OR4N2: variants seen among roughly 807,000 people sequenced by gnomAD.
The protein encoded by OR4N2 is olfactory receptor family 4 subfamily N member 2, also known as olfactory receptor 4N2.
For synonymous variants in OR4N2, 141 were observed against 140.4 expected, an observed-to-expected ratio of 1.00 and a Z score of -0.03; for missense variants, 307 against 377.6, an observed-to-expected ratio of 0.81 and a Z score of 1.55.
At position 19,828,430 on chromosome 14, in the gene OR4N2, A is replaced by G. The variant is rs771913489; in HGVS notation, c.*58A>G. The G allele has an allele frequency of 4.2e-6, 6 of 1,435,648 alleles. No homozygotes were observed. Among genetic ancestry groups the G allele is most frequent in the South Asian group, 1.4e-5 (1 of 73,650 alleles). The allele number at this position is 1,435,648 out of a possible 1,614,324, so 88.9% of individuals were successfully genotyped here. A position where few individuals can be genotyped will look rare whatever the true frequency, so the allele number is the denominator to read the frequency against. ...GACTGTAGAATTTTATCTGAAATTG[A>G]TTTGTTTATTTCCAAGTACTGCAAT... On this transcript the variant is annotated 3_prime_UTR_variant, in exon 2 of 2. Transcript: ENST00000557677.
In OR4N2 at chr14:19,828,294, G is replaced by A. The variant is rs750578821; in HGVS notation, c.846G>A (p.Leu282=). ...SLFHTVIFPL[L]NPVIYTLRNQ... ...TCCACACAGTGATTTTTCCTTTGTTGAATCCTGTCATTTATACCCTTCGCA... is the reference window on the plus strand; with the variant it reads ...TCCACACAGTGATTTTTCCTTTGTTAAATCCTGTCATTTATACCCTTCGCA... Residue 282 remains leucine, a synonymous_variant, in exon 2 of 2, where the codon TTG becomes TTA. Coordinates refer to ENST00000557677, the MANE Select transcript of OR4N2 (RefSeq NM_001004723.3). 4 of 1,613,796 alleles carry A rather than the reference G, an allele frequency of 2.5e-6. No homozygotes were observed. The highest frequency in any genetic ancestry group is 2.5e-6 in the Non-Finnish European group (3 of 1,179,972).
chr14:19,817,962 G>A (rs1169927584), intron 1 of OR4N2, among the ~76,000 whole-genome samples: 5 of 152,102 alleles, frequency 3.3e-5, no homozygotes, highest in African/African-American at 4.8e-5. Flanking sequence ...AGTCATTCAG[G>A]AGCAGGTTGT....
At chr14:19,820,173 C>A (rs1295633245) in intron 1 of OR4N2, among the ~76,000 whole-genome samples, 1 of 152,212 alleles carries the variant, frequency 6.6e-6, no homozygotes, top group East Asian at 1.9e-4. Flanking sequence ...ATCAGGGAGC[C>A]ACTTGAGGAG....
intron 1 of OR4N2, among the ~76,000 whole-genome samples, chr14:19,825,526 C>CTTAT (rs71108560): frequency 0.066 from 9,228 of 139,768 alleles, 120 homozygotes; most frequent in South Asian, 0.09. Flanking sequence ...TGCTAGAGCA[C>CTTAT]TTATTTATTT....
At chr14:19,805,909 G>A (rs1045680253) in intron 1 of OR4N2, among the ~76,000 whole-genome samples, 2 of 152,110 alleles carry the variant, frequency 1.3e-5, no homozygotes, top group Non-Finnish European at 2.9e-5. Flanking sequence ...GAAAAAATTG[G>A]GGGCCTATTT....
intron 1 of OR4N2, among the ~76,000 whole-genome samples, chr14:19,824,402 C>A (rs992590800): frequency 3.3e-5 from 5 of 152,226 alleles, no homozygotes; most frequent in African/African-American, 1.2e-4. Context: ...GGGACACAGG[C>A]AGAATGGAAG....
chr14:19,823,206 A>G (rs1264339609), intron 1 of OR4N2, among the ~76,000 whole-genome samples: 1 of 152,264 alleles, frequency 6.6e-6, no homozygotes, highest in Non-Finnish European at 1.5e-5. Context: ...ACCTTGCATC[A>G]TTAGTGAGCT....
At chr14:19,808,681 C>G (rs1879224005) in intron 1 of OR4N2, among the ~76,000 whole-genome samples, 1 of 152,186 alleles carries the variant, frequency 6.6e-6, no homozygotes, top group African/African-American at 2.4e-5. Context: ...GTATTTCTAT[C>G]TCACTACCAA....
chr14:19,814,808 C>A (rs962629888), intron 1 of OR4N2, among the ~76,000 whole-genome samples: 3 of 152,236 alleles, frequency 2.0e-5, no homozygotes, highest in African/African-American at 7.2e-5. Flanking sequence ...TCTCCTAATG[C>A]TATCCTTCCC....
Position 19,816,525 on chromosome 14 carries a change from A to G in OR4N2, c.-9-10915A>G, listed in dbSNP as rs1439969260. 3.3e-5 allele frequency among the ~76,000 whole-genome samples: 5 copies of G among 152,178 alleles called. No homozygotes were observed. The East Asian group carries it at 5.8e-4, about 18-fold the overall frequency. On this transcript the variant is annotated intron_variant, in intron 1 of 1. Coordinates refer to ENST00000557677, the MANE Select transcript of OR4N2 (RefSeq NM_001004723.3). ...ATTAATGGTGTATAGGAATGTTTGT[A>G]ATTTTTGCACATTGATTTTGTATCC...
chr14:19,818,857 C>T (rs559828223), intron 1 of OR4N2, among the ~76,000 whole-genome samples: 11 of 152,328 alleles, frequency 7.2e-5, no homozygotes, highest in Admixed American at 7.2e-4. Context: ...CCTTCTGGAG[C>T]TCTTGTAAGG....
At chr14:19,804,848 A>G (rs1879124718) in intron 1 of OR4N2, among the ~76,000 whole-genome samples, 1 of 152,260 alleles carries the variant, frequency 6.6e-6, no homozygotes, top group Non-Finnish European at 1.5e-5. Context: ...AAGGTCTCTA[A>G]GAACTTCCTT....
chr14:19,815,419 C>A (rs1433813906), intron 1 of OR4N2, among the ~76,000 whole-genome samples: 1 of 152,184 alleles, frequency 6.6e-6, no homozygotes, highest in African/African-American at 2.4e-5. Flanking sequence ...TCTCTAATGA[C>A]CAGTGATGAT....
At chr14:19,807,993 A>C (rs1201501629) in intron 1 of OR4N2, among the ~76,000 whole-genome samples, 6 of 152,200 alleles carry the variant, frequency 3.9e-5, no homozygotes, top group African/African-American at 1.4e-4. Flanking sequence ...CCACATGATC[A>C]TCTCAATAGA....
chr14:19,817,646 A>C (rs1441035367), intron 1 of OR4N2, among the ~76,000 whole-genome samples: 2 of 152,198 alleles, frequency 1.3e-5, no homozygotes, highest in African/African-American at 4.8e-5. Context: ...CAGCTCCTGG[A>C]TTCACTGATT....
intron 1 of OR4N2, among the ~76,000 whole-genome samples, chr14:19,817,027 C>T (rs1226804408): frequency 6.6e-6 from 1 of 152,220 alleles, no homozygotes; most frequent in Admixed American, 6.5e-5. Flanking sequence ...AGCCTTGCAT[C>T]CCAGGGATGA....
intron 1 of OR4N2, among the ~76,000 whole-genome samples, chr14:19,814,154 G>T (rs58516514): frequency 6.6e-6 from 1 of 152,010 alleles, no homozygotes; most frequent in African/African-American, 2.4e-5. Flanking sequence ...TTTTAAAATA[G>T]AATTAATAAA....
intron 1 of OR4N2, among the ~76,000 whole-genome samples, chr14:19,811,236 A>G (rs1358324731): frequency 6.6e-6 from 1 of 152,204 alleles, no homozygotes; most frequent in South Asian, 2.1e-4. Flanking sequence ...AAACATACAC[A>G]TATGATTTTA....
intron 1 of OR4N2, among the ~76,000 whole-genome samples, chr14:19,819,827 A>G (rs988842577): frequency 6.6e-6 from 1 of 152,218 alleles, no homozygotes; most frequent in African/African-American, 2.4e-5. Context: ...GGACCTATCT[A>G]ACTTTGTTCT....
Sources: allele counts gnomAD v4.1 joint callset (sites outside exome capture counted in the v4.1 genomes callset), GRCh38; gene constraint gnomAD v4.1.1; transcripts MANE v1.5; gene names NCBI Gene and HGNC (gene_info 2026-07-23, HGNC 2026-07-21).